DMD: variants seen among roughly 807,000 people sequenced by gnomAD.
DMD encodes dystrophin.
In DMD, 63 loss-of-function variants were observed where a neutral mutation model predicts 330.1. The ratio of observed to expected loss-of-function variants is 0.19; its 90% CI spans 0.16 to 0.24. The LOEUF is 0.24. Ranked by LOEUF, DMD falls within the 10% of genes least tolerant of loss-of-function variation. The pLI, the probability that DMD is intolerant of heterozygous loss-of-function variation, is 1.00. For synonymous variants in DMD, 1,223 were observed against 959.8 expected, an observed-to-expected ratio of 1.27 and a Z score of -5.07; for missense variants, 3,344 against 2,684.1, an observed-to-expected ratio of 1.25 and a Z score of -5.43.
chrX:33,118,103 T>C (rs2095399187), intron 1 of DMD, among the ~76,000 whole-genome samples: 1 of 89,169 alleles, frequency 1.1e-5, no homozygotes, highest in Admixed American at 1.5e-4. Flanking sequence ...GCTGAACAAG[T>C]TCAAGACTCT....
At chrX:32,110,842 T>A (rs956952873) in intron 44 of DMD, among the ~76,000 whole-genome samples, 2 of 112,167 alleles carry the variant, frequency 1.8e-5, no homozygotes, top group African/African-American at 6.5e-5. Flanking sequence ...AAAATTGTTA[T>A]TACTTGTGGC....
chrX:31,607,761 T>C (rs1005174192), intron 55 of DMD, among the ~76,000 whole-genome samples: 3 of 112,392 alleles, frequency 2.7e-5, no homozygotes, highest in African/African-American at 9.7e-5. Context: ...AAGATTGTCG[T>C]CAAGACAAAT....
At chrX:31,763,513 A>C (rs757955375) in intron 51 of DMD, among the ~76,000 whole-genome samples, 8 of 111,893 alleles carry the variant, frequency 7.1e-5, no homozygotes, top group Non-Finnish European at 1.1e-4. Flanking sequence ...CAGTGAGCCG[A>C]GATCGTGCCA....
At chrX:32,882,831 T>A (rs1603456464) in intron 2 of DMD, among the ~76,000 whole-genome samples, 1 of 112,198 alleles carries the variant, frequency 8.9e-6, no homozygotes, top group African/African-American at 3.2e-5. Context: ...ATACACATAA[T>A]ATGGATTAGA....
At chrX:33,022,187 G>T (rs952844445) in intron 1 of DMD, among the ~76,000 whole-genome samples, 10 of 111,418 alleles carry the variant, frequency 9.0e-5, no homozygotes, top group African/African-American at 3.3e-4. Context: ...CATACATTCA[G>T]ATGTCTTTGA....
At chrX:32,369,884 C>G (rs1473131645) in intron 34 of DMD, among the ~76,000 whole-genome samples, 1 of 111,190 alleles carries the variant, frequency 9.0e-6, no homozygotes, top group Non-Finnish European at 1.9e-5. Flanking sequence ...TTTACTAGGA[C>G]TCAATTAAAT....
At chrX:31,767,722 A>G (rs1371124100) in intron 51 of DMD, among the ~76,000 whole-genome samples, 1 of 112,032 alleles carries the variant, frequency 8.9e-6, no homozygotes, top group Non-Finnish European at 1.9e-5. Flanking sequence ...ATACTACACA[A>G]GTTGTTTAGT....
intron 48 of DMD, among the ~76,000 whole-genome samples, chrX:31,866,380 C>T (rs915350001): frequency 1.8e-5 from 2 of 111,665 alleles, no homozygotes; most frequent in African/African-American, 3.3e-5. Flanking sequence ...ATACCGTGTA[C>T]GTTCAGATGG....
intron 44 of DMD, among the ~76,000 whole-genome samples, chrX:31,974,099 A>G (rs1362543470): frequency 1.8e-5 from 2 of 112,210 alleles, no homozygotes; most frequent in Non-Finnish European, 3.8e-5. Flanking sequence ...GAATGAAATC[A>G]TGTCCTTTGC....
At chrX:31,693,762 G>A (rs190940801) in intron 52 of DMD, among the ~76,000 whole-genome samples, 86 of 111,524 alleles carry the variant, frequency 7.7e-4, no homozygotes, top group Non-Finnish European at 1.1e-3. Flanking sequence ...AGACACTGAC[G>A]AAAGAAATTG....
At chrX:31,184,448 A>T (rs939068269) in intron 67 of DMD, among the ~76,000 whole-genome samples, 2 of 99,770 alleles carry the variant, frequency 2.0e-5, no homozygotes, top group Admixed American at 1.1e-4. Context: ...GGCAATCATT[A>T]AAAAGTCAGG....
At chrX:32,013,482 T>C (rs2095733959) in intron 44 of DMD, among the ~76,000 whole-genome samples, 1 of 112,254 alleles carries the variant, frequency 8.9e-6, no homozygotes, top group African/African-American at 3.2e-5. Context: ...TTTTTATGCA[T>C]GTACTTTGTC....
intron 9 of DMD, among the ~76,000 whole-genome samples, chrX:32,675,168 G>T (rs1432791536): frequency 9.0e-6 from 1 of 111,272 alleles, no homozygotes; most frequent in Non-Finnish European, 1.9e-5. Flanking sequence ...TTTTGAATTG[G>T]TTTGCTTATT....
In DMD at chrX:32,953,504, C is replaced by T. The variant is rs750680231; in HGVS notation, c.93+66635G>A. On this transcript the variant is annotated intron_variant, in intron 2 of 78. Coordinates refer to ENST00000357033, the MANE Select transcript of DMD (RefSeq NM_004006.3). ...AAAATATTATCATTGGTGTATATAA[C>T]CAGAATTTAAGTTGAATCATTGGCA... Among the ~76,000 whole-genome samples, 3 of 111,265 alleles carry T rather than the reference C, an allele frequency of 2.7e-5. No homozygotes were observed. In the East Asian group the frequency reaches 8.5e-4, roughly 31 times the overall value.
intron 7 of DMD, among the ~76,000 whole-genome samples, chrX:32,805,668 T>C (rs935097003): frequency 4.5e-5 from 5 of 110,985 alleles, no homozygotes; most frequent in Non-Finnish European, 9.4e-5. Flanking sequence ...AAGGAAAAAA[T>C]GTTCAGGACA....
chrX:32,365,277 A>G (rs1261634353), intron 34 of DMD, 78 bp from the exon 35 acceptor site: 14 of 986,610 alleles, frequency 1.4e-5, no homozygotes, highest in African/African-American at 1.9e-5. Flanking sequence ...GGCTTTCTGT[A>G]TGGTTACTAT....
intron 1 of DMD, among the ~76,000 whole-genome samples, chrX:33,174,449 G>T (rs907068279): frequency 6.3e-5 from 7 of 111,836 alleles, no homozygotes; most frequent in African/African-American, 2.3e-4. Flanking sequence ...ATTAATTTTT[G>T]TTATTGTTGT....
At chrX:32,587,391 T>A (rs1294372126) in intron 13 of DMD, among the ~76,000 whole-genome samples, 1 of 112,467 alleles carries the variant, frequency 8.9e-6, no homozygotes, top group Admixed American at 9.4e-5. Context: ...ATTCTTATTG[T>A]CTACTTATCC....
chrX:31,379,877 T>C (rs2060073755), intron 60 of DMD, among the ~76,000 whole-genome samples: 1 of 111,610 alleles, frequency 9.0e-6, no homozygotes, highest in Non-Finnish European at 1.9e-5. Context: ...AAAATCGGAC[T>C]GTTCAACTCA....
Sources: allele counts gnomAD v4.1 joint callset (sites outside exome capture counted in the v4.1 genomes callset), GRCh38; gene constraint gnomAD v4.1.1; transcripts MANE v1.5; gene names NCBI Gene and HGNC (gene_info 2026-07-23, HGNC 2026-07-21).